Variants in OMD observed in about 807,000 individuals in gnomAD.
OMD encodes the protein KSPG osteomodulin.
Under a neutral mutation model 31.2 loss-of-function variants are expected in OMD, and 19 were observed. The observed-to-expected ratio is 0.61, with a 90% confidence interval of 0.42 to 0.89. The LOEUF (loss-of-function observed/expected upper bound fraction) is 0.89, where lower values mean the gene tolerates loss of function less well. Among genes scored for constraint, OMD ranks in the 40% least tolerant of loss-of-function variants. The probability of loss-of-function intolerance (pLI) is 0.00; values close to 1 mark genes in which losing one functional copy is unlikely to be tolerated. For missense variants in OMD, 448 were observed against 490.8 expected (o/e 0.91, Z 0.82); for synonymous variants, 155 against 166.4 (o/e 0.93, Z 0.53).
chr9:92,417,283 G>A lies in OMD; in HGVS notation c.276C>T (p.His92=). The A allele has an allele frequency of 6.2e-7, 1 of 1,614,082 alleles. No individual in the cohort carries two copies. The highest frequency in any genetic ancestry group is 8.5e-7 in the Non-Finnish European group (1 of 1,179,984). Residue 92 remains histidine (H), a synonymous_variant, in exon 2 of 3, where the codon CAC becomes CAT. Coordinates refer to ENST00000375550, the MANE Select transcript of OMD (RefSeq NM_005014.3). ...TGAACTGAAGGTAGAGTTGCTGAATGTGCATCGGAATATTTGGGATAGTCT... is the reference window on the plus strand; with the variant it reads ...TGAACTGAAGGTAGAGTTGCTGAATATGCATCGGAATATTTGGGATAGTCT... ...KLKTIPNIPM[H]IQQLYLQFNE...
chr9:92,421,495 T>C (rs1321005080), intron 1 of OMD, among the ~76,000 whole-genome samples: 60 of 152,234 alleles, frequency 3.9e-4, no homozygotes, highest in Admixed American at 3.9e-3. Context: ...TAAGGAGTTA[T>C]GGTATCATAC....
chr9:92,415,007 G>T lies in OMD; in HGVS notation c.*145C>A. 1.8e-6 allele frequency: 1 copy of T among 562,420 alleles called. No individual in the cohort carries two copies. The highest frequency in any genetic ancestry group is 3.0e-6 in the Non-Finnish European group (1 of 335,926). The allele number at this position is 562,420 out of a possible 1,614,324, so 34.8% of individuals were successfully genotyped here. On this transcript the variant is annotated 3_prime_UTR_variant, in exon 3 of 3. Transcript: ENST00000375550. ...TCTAATCCTATGAAATGATGCAGAT[G>T]TCACCAACAACTTAAATTCAATTCT...
In OMD at chr9:92,413,672, G is replaced by T. The variant is rs1460146587; in HGVS notation, c.*1480C>A. ...GAAAATGTGCTTTGCCCATATTGTG[G>T]CATCATAGTTGCACATTGTACTTTG... On this transcript the variant is annotated 3_prime_UTR_variant, in exon 3 of 3. Coordinates refer to ENST00000375550, the MANE Select transcript of OMD (RefSeq NM_005014.3). Among the ~76,000 whole-genome samples, 1 of 151,892 alleles carries T rather than the reference G, an allele frequency of 6.6e-6. No homozygotes were observed. The highest frequency in any genetic ancestry group is 1.5e-5 in the Non-Finnish European group (1 of 67,982).
intron 1 of OMD, among the ~76,000 whole-genome samples, chr9:92,418,605 G>A (rs1843691194): frequency 6.6e-6 from 1 of 152,060 alleles, no homozygotes; most frequent in African/African-American, 2.4e-5. Context: ...CTTTAATGAT[G>A]GTCACTGCCT....
intron 1 of OMD, among the ~76,000 whole-genome samples, chr9:92,418,457 T>C (rs1159652755): frequency 6.6e-6 from 1 of 152,020 alleles, no homozygotes; most frequent in Non-Finnish European, 1.5e-5. Flanking sequence ...CTAGACTTTC[T>C]ACTAAGTAAC....
At chr9:92,419,577 G>A (rs577840762) in intron 1 of OMD, among the ~76,000 whole-genome samples, 2 of 152,150 alleles carry the variant, frequency 1.3e-5, no homozygotes, top group Admixed American at 6.5e-5. Context: ...GGGATTACGG[G>A]CGTGAGCCAC....
intron 1 of OMD, 25 bp from the exon 2 acceptor site, chr9:92,417,599 T>C: frequency 7.8e-7 from 1 of 1,281,912 alleles, no homozygotes; most frequent in Non-Finnish European, 1.1e-6. Flanking sequence ...AAAGGAAACA[T>C]TGTGGAGAAA....
chr9:92,416,006 A>G (rs967424382), intron 2 of OMD, among the ~76,000 whole-genome samples: 9 of 145,492 alleles, frequency 6.2e-5, no homozygotes, highest in Non-Finnish European at 9.1e-5. Context: ...AGTTATATAT[A>G]TAAAAGAGAA....
chr9:92,416,217 G>A (rs1450883163), intron 2 of OMD, among the ~76,000 whole-genome samples: 5 of 150,660 alleles, frequency 3.3e-5, no homozygotes, highest in Admixed American at 2.0e-4. Context: ...CTCATGCCTC[G>A]GCCTCTTAAG....
chr9:92,413,576 A>G lies in OMD; in HGVS notation c.*1576T>C, dbSNP rs1843504632. ...CCACGTATTAACTCTTAATGTTTGA[A>G]TTTATATCCTGTATTTAAAAATTGC... On this transcript the variant is annotated 3_prime_UTR_variant, in exon 3 of 3. Transcript: ENST00000375550. Among the ~76,000 whole-genome samples, 1 of 152,148 alleles carries G rather than the reference A, an allele frequency of 6.6e-6. No individual in the cohort carries two copies. The highest frequency in any genetic ancestry group is 1.5e-5 in the Non-Finnish European group (1 of 68,024).
chr9:92,420,122 G>C (rs370614921), intron 1 of OMD, among the ~76,000 whole-genome samples: 61 of 152,170 alleles, frequency 4.0e-4, no homozygotes, highest in African/African-American at 1.4e-3. Flanking sequence ...CGCATCCTGG[G>C]TTTTGTCTTT....
At position 92,413,910 on chromosome 9, in the gene OMD, G is replaced by C. The variant is rs530807236; in HGVS notation, c.*1242C>G. On this transcript the variant is annotated 3_prime_UTR_variant, in exon 3 of 3. Transcript: ENST00000375550. Reference sequence around the variant, plus strand: ...TTAAACTGGTATTTCCAGAAAAAAAGACTTGCAAGCTTGAAAACTATTTCT... The same window carrying C: ...TTAAACTGGTATTTCCAGAAAAAAACACTTGCAAGCTTGAAAACTATTTCT... Among the ~76,000 whole-genome samples the C allele has an allele frequency of 2.0e-5, 3 of 152,280 alleles. No individual in the cohort carries two copies. Among genetic ancestry groups the C allele is most frequent in the Non-Finnish European group, 4.4e-5 (3 of 68,008 alleles).
chr9:92,421,727 A>G (rs1041367288), intron 1 of OMD, among the ~76,000 whole-genome samples: 2 of 152,250 alleles, frequency 1.3e-5, no homozygotes, highest in Non-Finnish European at 2.9e-5. Flanking sequence ...AAGTTGGTGG[A>G]GAATACAGAA....
At chr9:92,417,765 C>G (rs1843663217) in intron 1 of OMD, among the ~76,000 whole-genome samples, 191 bp from the exon 2 acceptor site, 1 of 152,086 alleles carries the variant, frequency 6.6e-6, no homozygotes, top group Non-Finnish European at 1.5e-5. Context: ...GTCACCCAGG[C>G]TGGAGTGCAG....
At chr9:92,422,461 G>T (rs997313639) in intron 1 of OMD, among the ~76,000 whole-genome samples, 4 of 152,140 alleles carry the variant, frequency 2.6e-5, no homozygotes, top group Non-Finnish European at 4.4e-5. Flanking sequence ...ATGAAAAATT[G>T]TTGGGAAAAA....
In OMD at chr9:92,413,140, A is replaced by G. The variant is rs1052706416; in HGVS notation, c.*2012T>C. On this transcript the variant is annotated 3_prime_UTR_variant, in exon 3 of 3. Transcript: ENST00000375550. ...GCCGGGATTACAGGCATGTGCCACC[A>G]TGCCTGGCTAATTATTTTGTATTTT... Among the ~76,000 whole-genome samples the G allele has an allele frequency of 2.6e-5, 4 of 151,722 alleles. No homozygotes were observed. The East Asian group carries it at 5.8e-4, about 22-fold the overall frequency.
Position 92,416,664 on chromosome 9 carries a change from G to T in OMD, c.895C>A (p.Pro299Thr). 1 of 1,604,760 alleles carries T rather than the reference G, an allele frequency of 6.2e-7. No individual in the cohort carries two copies. Among genetic ancestry groups the T allele is most frequent in the South Asian group, 1.1e-5 (1 of 89,062 alleles). ...AGGTATAGGTGTTCCAAATTTCTTGGAATATAGAATGCTTGCTTCAATTTG... is the reference window on the plus strand; with the variant it reads ...AGGTATAGGTGTTCCAAATTTCTTGTAATATAGAATGCTTGCTTCAATTTG... ...HNKLKQAFYI[P>T]RNLEHLYLQN... Residue 299 changes from proline to threonine, a missense_variant, in exon 2 of 3, where the codon CCA (proline) becomes ACA (threonine). Transcript: ENST00000375550.
intron 1 of OMD, among the ~76,000 whole-genome samples, chr9:92,421,921 C>T (rs536268306): frequency 6.6e-6 from 1 of 152,196 alleles, no homozygotes; most frequent in Admixed American, 6.5e-5. Context: ...CTTTTGTAGA[C>T]ATCATTTGAC....
rs973600990 is a variant in OMD, at chr9:92,413,108, G to A, written c.*2044C>T. On this transcript the variant is annotated 3_prime_UTR_variant, in exon 3 of 3. Coordinates refer to ENST00000375550, the MANE Select transcript of OMD (RefSeq NM_005014.3). ...TAGGCAATTCTCCTGCCTCAGCCTC[G>A]CAAGTAGCCGGGATTACAGGCATGT... is the stretch of plus-strand genomic sequence containing the variant. Among the ~76,000 whole-genome samples, 7 of 147,066 alleles carry A rather than the reference G, an allele frequency of 4.8e-5. No homozygotes were observed. The highest frequency in any genetic ancestry group is 1.8e-4 in the African/African-American group (7 of 39,728).
Sources: allele counts gnomAD v4.1 joint callset (sites outside exome capture counted in the v4.1 genomes callset), GRCh38; gene constraint gnomAD v4.1.1; transcripts MANE v1.5; gene names NCBI Gene and HGNC (gene_info 2026-07-23, HGNC 2026-07-21).